SLC71A1: variants seen among roughly 807,000 people sequenced by gnomAD.
The protein encoded by SLC71A1 is hippocampus abundant gene transcript 1.
chr1:100,059,852 T>C, the SLC71A1 span: 1 of 1,581,296 alleles, frequency 6.3e-7, no homozygotes, highest in Non-Finnish European at 8.6e-7. Flanking sequence ...TGTGTGGTAT[T>C]CATTTTTTTC....
At chr1:100,052,332 G>A in the SLC71A1 span, among the ~76,000 whole-genome samples, 3 of 151,954 alleles carry the variant, frequency 2.0e-5, no homozygotes, top group Non-Finnish European at 4.4e-5. Context: ...TGGACAAAGG[G>A]AGGCTATCTT....
the SLC71A1 span, among the ~76,000 whole-genome samples, chr1:100,039,082 A>C: frequency 6.6e-6 from 1 of 152,268 alleles, no homozygotes; most frequent in Non-Finnish European, 1.5e-5. Context: ...TTGTCATCAC[A>C]GTAAACTTTA....
At chr1:100,060,408 T>G in the SLC71A1 span, among the ~76,000 whole-genome samples, 1 of 152,230 alleles carries the variant, frequency 6.6e-6, no homozygotes, top group African/African-American at 2.4e-5. Flanking sequence ...TAAGAGTTGC[T>G]TAAAAATCAA....
chr1:100,040,108 A>G, the SLC71A1 span, among the ~76,000 whole-genome samples: 1 of 152,126 alleles, frequency 6.6e-6, no homozygotes, highest in Non-Finnish European at 1.5e-5. Context: ...TACACTTAAT[A>G]TTTCATTCTC....
the SLC71A1 span, among the ~76,000 whole-genome samples, chr1:100,056,842 T>G: frequency 1.3e-5 from 2 of 152,174 alleles, no homozygotes; most frequent in Non-Finnish European, 2.9e-5. Flanking sequence ...TCCACATCCT[T>G]GCCTATCTTT....
the SLC71A1 span, chr1:100,068,306 A>C: frequency 1.0e-6 from 1 of 1,003,432 alleles, no homozygotes. Context: ...TTTTTCTTTT[A>C]ACATTTTGAA....
At chr1:100,080,368 G>T in the SLC71A1 span, 1 of 705,292 alleles carries the variant, frequency 1.4e-6, no homozygotes. Flanking sequence ...TAATGACATT[G>T]CTATAAATTG....
At chr1:100,068,083 C>T in the SLC71A1 span, 9 of 1,614,094 alleles carry the variant, frequency 5.6e-6, no homozygotes, top group Non-Finnish European at 7.6e-6. Flanking sequence ...ACAGCAATAG[C>T]TTTGCTAGAT....
chr1:100,071,409 T>A, the SLC71A1 span, among the ~76,000 whole-genome samples: 18 of 149,628 alleles, frequency 1.2e-4, no homozygotes, highest in East Asian at 3.4e-3. Flanking sequence ...AGGTCGAGGG[T>A]GCAGTGAGCC....
chr1:100,071,905 G>C, the SLC71A1 span, among the ~76,000 whole-genome samples: 2 of 152,268 alleles, frequency 1.3e-5, no homozygotes, highest in South Asian at 2.1e-4. Flanking sequence ...GAATGTAGTT[G>C]GATTTGTATT....
chr1:100,056,647 T>C, the SLC71A1 span, among the ~76,000 whole-genome samples: 1 of 152,214 alleles, frequency 6.6e-6, no homozygotes, highest in African/African-American at 2.4e-5. Flanking sequence ...GCAGTAAATG[T>C]AGGAGTACAG....
At chr1:100,065,845 G>GCTTTCCTTTCCT in the SLC71A1 span, among the ~76,000 whole-genome samples, 1 of 139,996 alleles carries the variant, frequency 7.1e-6, no homozygotes. Context: ...TTTTCCCTTT[G>GCTTTCCTTTCCT]CTTTCCTTTC....
chr1:100,072,943 GCTC>G, the SLC71A1 span, among the ~76,000 whole-genome samples: 2 of 152,096 alleles, frequency 1.3e-5, no homozygotes, highest in African/African-American at 4.8e-5. Context: ...CAGTCCCTGA[GCTC>G]CTATATGACA....
the SLC71A1 span, among the ~76,000 whole-genome samples, chr1:100,063,105 C>G: frequency 6.6e-6 from 1 of 152,010 alleles, no homozygotes; most frequent in Non-Finnish European, 1.5e-5. Context: ...TAAATTTATA[C>G]TGTTATGCAA....
the SLC71A1 span, among the ~76,000 whole-genome samples, chr1:100,067,329 C>T: frequency 3.9e-5 from 6 of 152,098 alleles, no homozygotes; most frequent in South Asian, 2.1e-4. Flanking sequence ...CTGCAACCTC[C>T]GCCTTTCTGG....
the SLC71A1 span, chr1:100,062,024 A>T: frequency 7.1e-6 from 6 of 839,212 alleles, no homozygotes; most frequent in South Asian, 1.0e-4. Flanking sequence ...TATTATAAGG[A>T]GTGCAAACCT....
At chr1:100,043,120 T>C in the SLC71A1 span, 3 of 984,710 alleles carry the variant, frequency 3.0e-6, no homozygotes, top group Non-Finnish European at 3.6e-6. Flanking sequence ...AAGACTTGCA[T>C]ACCAACATAA....
chr1:100,073,754 A>C, the SLC71A1 span, among the ~76,000 whole-genome samples: 1 of 152,186 alleles, frequency 6.6e-6, no homozygotes, highest in Admixed American at 6.5e-5. Context: ...TTTGGCAAAT[A>C]TTTGTTGACA....
chr1:100,050,106 C>T, the SLC71A1 span: 1 of 674,388 alleles, frequency 1.5e-6, no homozygotes, highest in Non-Finnish European at 2.6e-6. Context: ...TTAATTCTCC[C>T]ACCAGTATTG....
Sources: gnomAD v4.1 joint callset for allele counts (sites outside exome capture counted in the v4.1 genomes callset) on GRCh38, gnomAD v4.1.1 for gene constraint, MANE v1.5 for transcripts, NCBI Gene and HGNC (gene_info 2026-07-23, HGNC 2026-07-21) for gene names.